Variants in MRPL1 observed in about 807,000 individuals in gnomAD.
MRPL1 encodes the protein large ribosomal subunit protein uL1m.
In MRPL1, 28 loss-of-function variants were observed where a neutral mutation model predicts 38.0. The observed-to-expected ratio is 0.74, with a 90% CI of 0.55 to 1.01. MRPL1 has a LOEUF of 1.01. MRPL1 is among the 50% of genes least tolerant of loss of function. MRPL1 has a pLI of 0.00. For synonymous variants in MRPL1, 123 were observed against 126.7 expected (o/e 0.97, Z 0.20); for missense variants, 358 against 389.8 (o/e 0.92, Z 0.69).
chr4:77,908,137 T>C (rs1361920307), intron 6 of MRPL1, among the ~76,000 whole-genome samples: 1 of 152,084 alleles, frequency 6.6e-6, no homozygotes, highest in East Asian at 1.9e-4. Flanking sequence ...TTCACTATGA[T>C]ATTGTTTCCA....
At chr4:77,949,486 G>T (rs904949190) in intron 7 of MRPL1, among the ~76,000 whole-genome samples, 1 of 152,028 alleles carries the variant, frequency 6.6e-6, no homozygotes, top group Non-Finnish European at 1.5e-5. Context: ...TTCTTGGGGG[G>T]TGCGTGTAGG....
intron 1 of MRPL1, among the ~76,000 whole-genome samples, chr4:77,867,133 T>C (rs1181571840): frequency 6.6e-6 from 1 of 152,216 alleles, no homozygotes; most frequent in Non-Finnish European, 1.5e-5. Flanking sequence ...CCTTTTATCC[T>C]GCAGTGCCTC....
chr4:77,938,763 G>A (rs568386548), intron 7 of MRPL1, among the ~76,000 whole-genome samples: 4 of 152,188 alleles, frequency 2.6e-5, no homozygotes, highest in African/African-American at 9.6e-5. Flanking sequence ...CTCCACCTCA[G>A]CACAACCTGT....
chr4:77,928,801 C>A (rs1320881576), intron 7 of MRPL1, among the ~76,000 whole-genome samples: 2 of 151,998 alleles, frequency 1.3e-5, no homozygotes, highest in Admixed American at 6.6e-5. Context: ...TATTTTTGAT[C>A]AAAAATAATT....
At chr4:77,938,783 A>C (rs1466242385) in intron 7 of MRPL1, among the ~76,000 whole-genome samples, 1 of 152,108 alleles carries the variant, frequency 6.6e-6, no homozygotes, top group Non-Finnish European at 1.5e-5. Flanking sequence ...TATCACACAC[A>C]TGGTATAAGC....
Position 77,862,845 on chromosome 4 carries a change from C to G in MRPL1, c.-4C>G, listed in dbSNP as rs750442746. ...TTTCGTGAACGCAATCCGGAGTGCC[C>G]AACATGGCGGCGGCCGTAAGGTGCA... On this transcript the variant is annotated 5_prime_UTR_variant, in exon 1 of 9. Coordinates refer to ENST00000315567, the MANE Select transcript of MRPL1 (RefSeq NM_020236.4). 7 of 1,614,040 alleles carry G rather than the reference C, an allele frequency of 4.3e-6. No individual in the cohort carries two copies. The highest frequency in any genetic ancestry group is 4.2e-6 in the Non-Finnish European group (5 of 1,179,998).
chr4:77,943,054 G>A (rs1443310390), intron 7 of MRPL1, among the ~76,000 whole-genome samples: 3 of 152,124 alleles, frequency 2.0e-5, no homozygotes, highest in African/African-American at 7.2e-5. Flanking sequence ...CCTTTTAGCA[G>A]TTCTTGTAGT....
Position 77,871,756 on chromosome 4 carries a change from A to G in MRPL1, c.44A>G (p.His15Arg). Residue 15 changes from histidine (H) to arginine (R), a missense_variant, in exon 2 of 9, where the codon CAT becomes CGT. Transcript: ENST00000315567. The part of the protein sequence containing the change: ...VRCMGRALIH[H>R]QRHSLSKMVY... ...TTTTCCTTTCAAGCCTTGATACATC[A>G]TCAAAGGCATAGCCTTTCCAAGATG... The G allele has an allele frequency of 3.2e-6, 5 of 1,541,924 alleles. No individual in the cohort carries two copies. The highest frequency in any genetic ancestry group is 4.4e-6 in the Non-Finnish European group (5 of 1,143,730).
Position 77,943,152 on chromosome 4 carries a change from G to A in MRPL1, c.778-6645G>A, listed in dbSNP as rs564832392. Among the ~76,000 whole-genome samples the A allele has an allele frequency of 1.1e-3, 172 of 152,154 alleles. 1 individual carries two copies. The highest frequency in any genetic ancestry group is 4.1e-3 in the African/African-American group (170 of 41,528). The stretch of plus-strand genomic sequence containing the variant: ...TTCATTTATGAAGCTTAGTTTCACT[G>A]GATGCAAAATTATTGGCCAATAATT... On this transcript the variant is annotated intron_variant, in intron 7 of 8. Coordinates refer to ENST00000315567, the MANE Select transcript of MRPL1 (RefSeq NM_020236.4).
chr4:77,902,627 A>G (rs189913939), intron 6 of MRPL1, among the ~76,000 whole-genome samples: 61 of 150,506 alleles, frequency 4.1e-4, no homozygotes, highest in African/African-American at 1.4e-3. Context: ...AGCTGGACTG[A>G]TTTTTTTTTT....
At chr4:77,923,453 C>CA (rs752715312) in intron 7 of MRPL1, among the ~76,000 whole-genome samples, 2 of 152,062 alleles carry the variant, frequency 1.3e-5, no homozygotes, top group African/African-American at 2.4e-5. Context: ...GTTTTTAAAA[C>CA]AATCTGTTGA....
chr4:77,886,483 C>T (rs1252173417), intron 4 of MRPL1, among the ~76,000 whole-genome samples: 2 of 151,760 alleles, frequency 1.3e-5, no homozygotes, highest in Non-Finnish European at 2.9e-5. Flanking sequence ...TACAGGCATG[C>T]ACCACCACAC....
In MRPL1 at chr4:77,909,271, A is replaced by G. The variant is rs375007647; in HGVS notation, c.676A>G (p.Ile226Val). Residue 226 changes from isoleucine (I) to valine (V), a missense_variant, in exon 7 of 9, where the codon ATT becomes GTT. Physicochemically the swap from Ile to Val is conservative, Grantham distance 29. Coordinates refer to ENST00000315567, the MANE Select transcript of MRPL1 (RefSeq NM_020236.4). ...ATTTTACTTTTTCTAACTAGATTCC[A>G]TTGGCCGTGACATCCCCAAAATGCT... is the stretch of plus-strand genomic sequence containing the variant. ...KKYPKLSRNSIGRDIPKMLEL... is the reference protein window; with the variant it reads ...KKYPKLSRNSVGRDIPKMLEL... The G allele has an allele frequency of 1.2e-5, 20 of 1,601,056 alleles. No homozygotes were observed. Among genetic ancestry groups the G allele is most frequent in the South Asian group, 1.2e-4 (11 of 89,084 alleles).
At chr4:77,946,091 G>A (rs959833666) in intron 7 of MRPL1, among the ~76,000 whole-genome samples, 1 of 152,102 alleles carries the variant, frequency 6.6e-6, no homozygotes, top group Non-Finnish European at 1.5e-5. Flanking sequence ...GCGTATTTCA[G>A]TCCTTATCTC....
intron 6 of MRPL1, among the ~76,000 whole-genome samples, 189 bp from the exon 7 acceptor site, chr4:77,909,077 T>G (rs1736226216): frequency 6.6e-6 from 1 of 152,050 alleles, no homozygotes; most frequent in Non-Finnish European, 1.5e-5. Flanking sequence ...GTCTCTTGGT[T>G]TGAAGCAAGT....
intron 7 of MRPL1, among the ~76,000 whole-genome samples, chr4:77,915,831 T>C (rs1736412564): frequency 6.6e-6 from 1 of 152,256 alleles, no homozygotes; most frequent in Non-Finnish European, 1.5e-5. Context: ...CATAAGATGA[T>C]ACGTTGAACA....
intron 3 of MRPL1, 43 bp downstream of exon 3, chr4:77,883,543 C>G (rs1369539401): frequency 1.3e-6 from 2 of 1,491,342 alleles, no homozygotes; most frequent in African/African-American, 2.8e-5. Flanking sequence ...TGAACAGTGG[C>G]TGTATGAATT....
At chr4:77,928,121 A>G (rs1736759750) in intron 7 of MRPL1, among the ~76,000 whole-genome samples, 1 of 152,224 alleles carries the variant, frequency 6.6e-6, no homozygotes, top group Non-Finnish European at 1.5e-5. Context: ...TGGCAAGCGT[A>G]TTGTCAACCT....
intron 7 of MRPL1, among the ~76,000 whole-genome samples, chr4:77,918,119 A>G (rs1245209882): frequency 6.6e-6 from 1 of 152,124 alleles, no homozygotes; most frequent in Non-Finnish European, 1.5e-5. Context: ...AAAAGTAGCA[A>G]TGATTGTTTG....
Sources: gnomAD v4.1 joint callset for allele counts (sites outside exome capture counted in the v4.1 genomes callset) on GRCh38, gnomAD v4.1.1 for gene constraint, MANE v1.5 for transcripts, NCBI Gene and HGNC (gene_info 2026-07-23, HGNC 2026-07-21) for gene names.